Variants in CAMK1 observed in about 807,000 individuals in gnomAD.
CAMK1 encodes calcium/calmodulin dependent protein kinase I.
CAMK1 carries 39 observed loss-of-function variants against 49.1 expected under a neutral mutation model. That is an observed-to-expected ratio of 0.79 (90% CI 0.62 to 1.04). The LOEUF is 1.04. CAMK1 is among the 50% of genes least tolerant of loss of function. The pLI, the probability that CAMK1 is intolerant of heterozygous loss-of-function variation, is 0.00. For synonymous variants in CAMK1, 192 were observed against 185.2 expected (o/e 1.04, Z -0.30); for missense variants, 457 against 472.2 (o/e 0.97, Z 0.30).
At chr3:9,762,877 T>G in intron 5 of CAMK1, 37 bp downstream of exon 5, 1 of 1,609,742 alleles carries the variant, frequency 6.2e-7, no homozygotes, top group Non-Finnish European at 8.5e-7. Context: ...GCCCCACCCC[T>G]GGGTACCCTA....
chr3:9,761,692 G>A lies in CAMK1; in HGVS notation c.495C>T (p.Leu165=). The change falls in exon 6 of 12, where the codon CTC becomes CTT. Residue 165 remains leucine, a synonymous_variant. Transcript: ENST00000256460. The part of the protein sequence containing the change: ...DSKIMISDFG[L]SKMEDPGSVL... ...CACTGCCCGGGTCCTCCATCTTGGAGAGGCCAAAGTCGGAGATCATGATTT... is the reference window on the plus strand; with the variant it reads ...CACTGCCCGGGTCCTCCATCTTGGAAAGGCCAAAGTCGGAGATCATGATTT... 6.2e-7 allele frequency: 1 copy of A among 1,614,204 alleles called. No homozygotes were observed. The highest frequency in any genetic ancestry group is 8.5e-7 in the Non-Finnish European group (1 of 1,180,042).
intron 3 of CAMK1, 36 bp from the exon 4 acceptor site, chr3:9,763,249 G>A (rs199781889): frequency 6.2e-7 from 1 of 1,613,006 alleles, no homozygotes; most frequent in African/African-American, 1.3e-5. Flanking sequence ...GCCAGGCATG[G>A]CGGTGTGCAC....
intron 1 of CAMK1, among the ~76,000 whole-genome samples, chr3:9,768,637 G>C (rs1373590686): frequency 6.6e-6 from 1 of 152,212 alleles, no homozygotes; most frequent in Non-Finnish European, 1.5e-5. Flanking sequence ...GGCCTTGGCT[G>C]GTACTTCCAA....
intron 1 of CAMK1, among the ~76,000 whole-genome samples, chr3:9,768,738 C>T (rs2078225704): frequency 6.6e-6 from 1 of 152,210 alleles, no homozygotes. Context: ...GCTTTGTGAC[C>T]TCAGGGAGAG....
At chr3:9,759,101 G>A in intron 10 of CAMK1, 1 of 1,128,780 alleles carries the variant, frequency 8.9e-7, no homozygotes, top group Non-Finnish European at 1.4e-6. Context: ...AGCCCCTCCA[G>A]TCTGGCCAGG....
intron 1 of CAMK1, 55 bp from the exon 2 acceptor site, chr3:9,767,836 A>T (rs1429193291): frequency 6.4e-7 from 1 of 1,568,888 alleles, no homozygotes; most frequent in East Asian, 2.3e-5. Context: ...CTGTCTGGGA[A>T]TTTACTGCAG....
chr3:9,764,520 C>A (rs2078044481), intron 3 of CAMK1, among the ~76,000 whole-genome samples: 1 of 151,258 alleles, frequency 6.6e-6, no homozygotes, highest in Admixed American at 6.6e-5. Context: ...CCATGTTGGT[C>A]AGGCTGGTTT....
chr3:9,758,633 CTT>C (rs903469289), intron 10 of CAMK1: 4 of 162,026 alleles, frequency 2.5e-5, no homozygotes, highest in African/African-American at 9.7e-5. Context: ...CCTGAGAGCT[CTT>C]TCTTTTTTTT....
chr3:9,757,524 C>G lies in CAMK1; in HGVS notation c.*15G>C. On this transcript the variant is annotated 3_prime_UTR_variant, in exon 12 of 12. Coordinates refer to ENST00000256460, the MANE Select transcript of CAMK1 (RefSeq NM_003656.5). The surrounding 1 kb of genome is among the most constrained non-coding windows in gnomAD (Gnocchi z 4.5). ...GCCCTCCCACGCAGAGGATCATGAC[C>G]CGAGGTCCAGGGCCCTAGAGCTGGT... 1 of 1,609,494 alleles carries G rather than the reference C, an allele frequency of 6.2e-7. No homozygotes were observed.
chr3:9,768,082 C>T lies in CAMK1; in HGVS notation c.-32-301G>A, dbSNP rs867513078. ...TCCAAATCCAAGCACCTAGGGAAAC[C>T]CTGACTTCTGGCAGTACAACAGATA... On this transcript the variant is annotated intron_variant, in intron 1 of 11. Coordinates refer to ENST00000256460, the MANE Select transcript of CAMK1 (RefSeq NM_003656.5). 2.0e-5 allele frequency among the ~76,000 whole-genome samples: 3 copies of T among 152,138 alleles called. No individual in the cohort carries two copies. In the South Asian group the frequency reaches 6.2e-4, roughly 32 times the overall value.
intron 10 of CAMK1, chr3:9,758,586 G>A (rs1025077279): frequency 7.6e-5 from 12 of 157,172 alleles, no homozygotes; most frequent in Non-Finnish European, 1.7e-4. Flanking sequence ...GCCTCCTAAT[G>A]CGTCACCCAG....
intron 5 of CAMK1, 81 bp from the exon 6 acceptor site, chr3:9,761,838 C>G (rs919173833): frequency 6.1e-5 from 94 of 1,552,988 alleles, no homozygotes; most frequent in Non-Finnish European, 5.9e-5. Flanking sequence ...CAAGCACCTT[C>G]TGAGAAATAA....
intron 5 of CAMK1, among the ~76,000 whole-genome samples, 182 bp downstream of exon 5, chr3:9,762,732 G>A (rs1575240479): frequency 1.3e-5 from 2 of 151,886 alleles, no homozygotes; most frequent in South Asian, 2.1e-4. Context: ...CAATTCACTC[G>A]TGTTCCTTTG....
intron 1 of CAMK1, among the ~76,000 whole-genome samples, chr3:9,768,401 C>T (rs2078215320): frequency 6.6e-6 from 1 of 152,256 alleles, no homozygotes; most frequent in African/African-American, 2.4e-5. Context: ...AGAAATGGTC[C>T]TGCTCACTCT....
chr3:9,765,885 G>C lies in CAMK1; in HGVS notation c.89C>G (p.Ala30Gly). 3.1e-6 allele frequency: 5 copies of C among 1,614,028 alleles called. No homozygotes were observed. Among genetic ancestry groups the C allele is most frequent in the African/African-American group, 1.3e-5 (1 of 74,992 alleles). ...YDFRDVLGTG[A>G]FSEVILAEDK... ...TTCTGCCAGGATCACCTCCGAGAAGGCCCCCCTATCGGGAGAGGGGATTCA... is the reference window on the plus strand; with the variant it reads ...TTCTGCCAGGATCACCTCCGAGAAGCCCCCCCTATCGGGAGAGGGGATTCA... Residue 30 changes from alanine to glycine, a missense_variant, in exon 3 of 12, where the codon GCC becomes GGC. Physicochemically the swap from Ala to Gly is moderately conservative, Grantham distance 60. Transcript: ENST00000256460.
chr3:9,768,244 C>G (rs1410396493), intron 1 of CAMK1, among the ~76,000 whole-genome samples: 1 of 152,186 alleles, frequency 6.6e-6, no homozygotes, highest in Non-Finnish European at 1.5e-5. Context: ...TCTCCGAAAT[C>G]AGGTTTCCAG....
intron 10 of CAMK1, 84 bp downstream of exon 10, chr3:9,759,404 C>T: frequency 6.3e-7 from 1 of 1,588,480 alleles, no homozygotes; most frequent in Non-Finnish European, 8.6e-7. Flanking sequence ...CAGTGTGATG[C>T]CAGGTGCTGT....
Position 9,757,719 on chromosome 3 carries a change from C to T in CAMK1, c.1030+10G>A, listed in dbSNP as rs3219015. Reference sequence around the variant, plus strand: ...ACCACCCATGCCCTTCTGCAGAGCCCGCTCCTCACCCCCAGCCACTGGTGT... The same window carrying T: ...ACCACCCATGCCCTTCTGCAGAGCCTGCTCCTCACCCCCAGCCACTGGTGT... On this transcript the variant is annotated intron_variant, in intron 11 of 11. Coordinates refer to ENST00000256460, the MANE Select transcript of CAMK1 (RefSeq NM_003656.5). The surrounding 1 kb of genome is among the most constrained non-coding windows in gnomAD (Gnocchi z 4.5). 961 of 1,614,104 alleles carry T rather than the reference C, an allele frequency of 6.0e-4. 5 individuals carry two copies. The Admixed American group carries it at 9.0e-3, about 15-fold the overall frequency.
In CAMK1 at chr3:9,759,723, T is replaced by TC. The variant is rs1243111641; in HGVS notation, c.772dup (p.Glu258GlyfsTer11). ...GGTGAATCTTTTCTCTGGGTCCTTC[T>TC]CCATCAAGTGCCGGATGAAATCTTT... On this transcript the variant is annotated frameshift_variant, in exon 9 of 12. Coordinates refer to ENST00000256460, the MANE Select transcript of CAMK1 (RefSeq NM_003656.5). LOFTEE classifies it high-confidence loss of function. 6.2e-7 allele frequency: 1 copy of TC among 1,614,040 alleles called. No individual in the cohort carries two copies. Among genetic ancestry groups the TC allele is most frequent in the African/African-American group, 1.3e-5 (1 of 74,904 alleles).
Sources: gnomAD v4.1 joint callset for allele counts (sites outside exome capture counted in the v4.1 genomes callset) on GRCh38, gnomAD v4.1.1 for gene constraint, Gnocchi (gnomAD v3.1) non-coding constraint, MANE v1.5 for transcripts, NCBI Gene and HGNC (gene_info 2026-07-23, HGNC 2026-07-21) for gene names.